CLMP: variants seen among roughly 807,000 people sequenced by gnomAD.
The protein encoded by CLMP is CXADR like cell adhesion molecule, also known as CXADR-like membrane protein.
A neutral mutation model predicts 45.2 loss-of-function variants in CLMP; 27 were observed. That is an observed-to-expected ratio of 0.60 (90% CI 0.44 to 0.82). The LOEUF is 0.82. Among genes scored for constraint, CLMP ranks in the 40% least tolerant of loss-of-function variants. The pLI is 0.00. For synonymous variants in CLMP, 167 were observed against 171.4 expected (o/e 0.97, Z 0.20); for missense variants, 403 against 448.4 (o/e 0.90, Z 0.91).
At chr11:123,168,431 C>T (rs1861588546) in intron 1 of CLMP, among the ~76,000 whole-genome samples, 2 of 152,186 alleles carry the variant, frequency 1.3e-5, no homozygotes, top group South Asian at 4.1e-4. Context: ...TCTCTTCCTT[C>T]CAGATTTGGA....
intron 1 of CLMP, among the ~76,000 whole-genome samples, chr11:123,134,678 C>A (rs1465874222): frequency 6.6e-6 from 1 of 151,570 alleles, no homozygotes; most frequent in Non-Finnish European, 1.5e-5. Context: ...CATGGTAGTG[C>A]ATGCTTGTAG....
chr11:123,176,244 A>G (rs953711728), intron 1 of CLMP, among the ~76,000 whole-genome samples: 8 of 152,202 alleles, frequency 5.3e-5, no homozygotes, highest in African/African-American at 1.9e-4. Flanking sequence ...GTTTAAAACT[A>G]TAGTCAATAA....
At chr11:123,075,544 G>C (rs532422590) in intron 5 of CLMP, among the ~76,000 whole-genome samples, 1 of 151,832 alleles carries the variant, frequency 6.6e-6, no homozygotes, top group Non-Finnish European at 1.5e-5. Context: ...CCGCCACCAC[G>C]CCCGGCTAGT....
At chr11:123,081,618 C>T (rs1284456814) in intron 5 of CLMP, among the ~76,000 whole-genome samples, 2 of 152,098 alleles carry the variant, frequency 1.3e-5, no homozygotes, top group Admixed American at 6.6e-5. Context: ...TGCCGGTAAT[C>T]GCAGCACTCT....
At chr11:123,079,557 G>A (rs534874976) in intron 5 of CLMP, among the ~76,000 whole-genome samples, 4 of 152,184 alleles carry the variant, frequency 2.6e-5, no homozygotes, top group East Asian at 1.9e-4. Context: ...AGGGTCAAGC[G>A]ATTCTCCTAC....
chr11:123,137,044 G>A (rs7938017), intron 1 of CLMP, among the ~76,000 whole-genome samples: 61,918 of 151,364 alleles, frequency 0.41, 13,710 homozygotes, highest in African/African-American at 0.58. Flanking sequence ...CCCGAGCCCC[G>A]TATGTTTCCA....
chr11:123,158,537 C>T (rs1465610443), intron 1 of CLMP, among the ~76,000 whole-genome samples: 1 of 152,156 alleles, frequency 6.6e-6, no homozygotes, highest in Non-Finnish European at 1.5e-5. Flanking sequence ...CTCACTGTCT[C>T]CCCCTTTAAA....
intron 1 of CLMP, among the ~76,000 whole-genome samples, chr11:123,165,866 G>C (rs1298604540): frequency 6.6e-6 from 1 of 152,178 alleles, no homozygotes; most frequent in Non-Finnish European, 1.5e-5. Flanking sequence ...GAAGCAAGGT[G>C]ATGTAGAGAG....
rs1565382969 is a variant in CLMP, at chr11:123,103,720, T to TTTA, written c.29-5769_29-5768insTAA. On this transcript the variant is annotated intron_variant, in intron 1 of 6. Coordinates refer to ENST00000448775, the MANE Select transcript of CLMP (RefSeq NM_024769.5). Reference sequence around the variant, plus strand: ...TTTTTTTTTCTTTCTTTCTTTCTTTTTTTTTACATTAAAGCTTTTACATTT... The same window carrying TTTA: ...TTTTTTTTTCTTTCTTTCTTTCTTTTTTATTTTTACATTAAAGCTTTTACATTT... Among the ~76,000 whole-genome samples the TTTA allele has an allele frequency of 2.6e-3, 393 of 152,038 alleles. 1 individual carries two copies. Among genetic ancestry groups the TTTA allele is most frequent in the African/African-American group, 9.0e-3 (372 of 41,498 alleles).
In CLMP at chr11:123,150,574, AAGG is replaced by A. The variant is rs1436461838; in HGVS notation, c.28+44336_28+44338del. Among the ~76,000 whole-genome samples, 11 of 118,962 alleles carry A rather than the reference AAGG, an allele frequency of 9.2e-5. 1 individual carries two copies. The highest frequency in any genetic ancestry group is 3.8e-4 in the African/African-American group (10 of 26,046). 78.0% of individuals were successfully genotyped at this position (118,962 alleles called of 152,430 possible). The stretch of plus-strand genomic sequence containing the variant: ...AAGGAAGGAAGGAAAGGAAGGAAGG[AAGG>A]AAGGAAAGGAAGGAAGGAAGGAAGG... On this transcript the variant is annotated intron_variant, in intron 1 of 6. Transcript: ENST00000448775.
In CLMP at chr11:123,097,912, G is replaced by T; in HGVS notation, c.69C>A (p.Ile23=). 2 of 1,601,736 alleles carry T rather than the reference G, an allele frequency of 1.2e-6. No individual in the cohort carries two copies. The highest frequency in any genetic ancestry group is 1.7e-6 in the Non-Finnish European group (2 of 1,174,524). ...YVGTLGTHTE[I]KRVAEEKVTL... ...TGACCTTTTCCTCTGCCACTCTCTT[G>T]ATCTCAGTGTGAGTCCCCAAGGTTC... The change falls in exon 2 of 7, where the codon ATC becomes ATA. Residue 23 remains isoleucine, a synonymous_variant. Coordinates refer to ENST00000448775, the MANE Select transcript of CLMP (RefSeq NM_024769.5).
At chr11:123,173,647 C>T (rs1861663840) in intron 1 of CLMP, among the ~76,000 whole-genome samples, 1 of 152,158 alleles carries the variant, frequency 6.6e-6, no homozygotes, top group Non-Finnish European at 1.5e-5. Context: ...CCTCATCCTC[C>T]TCTGTAAAAT....
At chr11:123,120,781 C>T (rs956854230) in intron 1 of CLMP, among the ~76,000 whole-genome samples, 3 of 152,152 alleles carry the variant, frequency 2.0e-5, no homozygotes, top group East Asian at 1.9e-4. Context: ...TGTTTCTATT[C>T]GCTTTTCTCT....
At chr11:123,087,793 C>G (rs1865882766) in intron 2 of CLMP, among the ~76,000 whole-genome samples, 2 of 152,078 alleles carry the variant, frequency 1.3e-5, no homozygotes, top group Admixed American at 1.3e-4. Flanking sequence ...TGCACTCCAG[C>G]CTAGGGACAG....
At chr11:123,091,829 C>T (rs1384574026) in intron 2 of CLMP, among the ~76,000 whole-genome samples, 1 of 152,024 alleles carries the variant, frequency 6.6e-6, no homozygotes, top group Non-Finnish European at 1.5e-5. Context: ...CAAAGCTCAC[C>T]TGGCTGAAAA....
At chr11:123,125,730 A>G (rs1218626801) in intron 1 of CLMP, among the ~76,000 whole-genome samples, 4 of 151,132 alleles carry the variant, frequency 2.6e-5, no homozygotes, top group Non-Finnish European at 5.9e-5. Flanking sequence ...CAGCCTCCCA[A>G]GTAGCTGTGA....
chr11:123,110,056 T>C (rs1367767127), intron 1 of CLMP, among the ~76,000 whole-genome samples: 1 of 152,296 alleles, frequency 6.6e-6, no homozygotes, highest in East Asian at 1.9e-4. Flanking sequence ...AAACAAGTAA[T>C]AGGTTTACTG....
chr11:123,152,012 C>T (rs34809680), intron 1 of CLMP, among the ~76,000 whole-genome samples: 28,202 of 152,122 alleles, frequency 0.19, 2,812 homozygotes, highest in Middle Eastern at 0.23. Flanking sequence ...GCCTATAGCA[C>T]AGTTCTGATT....
intron 6 of CLMP, among the ~76,000 whole-genome samples, chr11:123,074,471 C>G (rs1865711431): frequency 6.6e-6 from 1 of 152,130 alleles, no homozygotes; most frequent in Non-Finnish European, 1.5e-5. Flanking sequence ...CATGACCTAC[C>G]ACGCCCAGCC....
Sources: allele counts gnomAD v4.1 joint callset (sites outside exome capture counted in the v4.1 genomes callset), GRCh38; gene constraint gnomAD v4.1.1; transcripts MANE v1.5; gene names NCBI Gene and HGNC (gene_info 2026-07-23, HGNC 2026-07-21).